The following LILRB1 variants were observed in gnomAD, a reference collection of about 807,000 sequenced individuals.
The protein encoded by LILRB1 is leukocyte immunoglobulin like receptor B1, also known as leukocyte immunoglobulin-like receptor subfamily B member 1.
A neutral mutation model predicts 74.6 loss-of-function variants in LILRB1; 59 were observed. The ratio of observed to expected loss-of-function variants is 0.79; its 90% CI spans 0.64 to 0.98. The LOEUF (loss-of-function observed/expected upper bound fraction) is 0.98. LILRB1 is among the 50% of genes least tolerant of loss of function. The pLI, the probability that LILRB1 is intolerant of heterozygous loss-of-function variation, is 0.00. For missense variants in LILRB1, 804 were observed against 822.6 expected (o/e 0.98, Z 0.28); for synonymous variants, 328 against 333.9 (o/e 0.98, Z 0.19).
In LILRB1 at chr19:54,631,284, C is replaced by A. The variant is rs1458408556; in HGVS notation, c.48C>A (p.Gly16=). Residue 16 remains glycine, a synonymous_variant, in exon 3 of 15, where the codon GGC becomes GGA. Coordinates refer to ENST00000324602, the MANE Select transcript of LILRB1 (RefSeq NM_001081637.3). ...TVLICLGLSL[G]PRTHVQAGHL... ...ACTCTCTTCCAGGGCTGAGTCTGGG[C>A]CCCCGGACCCACGTGCAGGCAGGTG... is the stretch of plus-strand genomic sequence containing the variant. The A allele has an allele frequency of 3.1e-6, 5 of 1,613,302 alleles. No homozygotes were observed. The highest frequency in any genetic ancestry group is 4.2e-6 in the Non-Finnish European group (5 of 1,179,896).
chr19:54,634,688 A>G lies in LILRB1; in HGVS notation c.1411A>G (p.Ile471Val), dbSNP rs1061683. The stretch of plus-strand genomic sequence containing the variant: ...TGTGATCGGCATCTTGGTGGCCGTC[A>G]TCCTACTGCTCCTCCTCCTCCTCCT... ...GVVIGILVAV[I>V]LLLLLLLLLF... is the part of the protein sequence containing the mutation. The change falls in exon 10 of 15, where the codon ATC becomes GTC. Residue 471 changes from isoleucine to valine, a missense_variant. Physicochemically the swap from Ile to Val is conservative, Grantham distance 29 (BLOSUM62 3). Coordinates refer to ENST00000324602, the MANE Select transcript of LILRB1 (RefSeq NM_001081637.3). 171,528 of 1,578,326 alleles carry G rather than the reference A, an allele frequency of 0.11. 11,141 individuals are homozygous for G. The highest frequency in any genetic ancestry group is 0.19 in the African/African-American group (14,072 of 73,860).
chr19:54,635,850 G>T, intron 13 of LILRB1: 1 of 691,276 alleles, frequency 1.4e-6, no homozygotes, highest in South Asian at 1.5e-5. Context: ...GGTTGTTAGA[G>T]CTCTCCCCAG....
At chr19:54,622,778 C>T (rs1032490974) in intron 1 of LILRB1, among the ~76,000 whole-genome samples, 1 of 152,134 alleles carries the variant, frequency 6.6e-6, no homozygotes, top group African/African-American at 2.4e-5. Flanking sequence ...TTCACTTCTC[C>T]CCATTCAATT....
upstream of LILRB1, among the ~76,000 whole-genome samples, chr19:54,626,722 T>C (rs568573175): frequency 6.6e-6 from 1 of 152,342 alleles, no homozygotes; most frequent in East Asian, 1.9e-4. Flanking sequence ...CTTTTTGATT[T>C]TTATTTCTCT....
intron 9 of LILRB1, 155 bp downstream of exon 9, chr19:54,634,176 C>G (rs147154418): frequency 0.045 from 67,732 of 1,503,788 alleles, 1,691 homozygotes; most frequent in Non-Finnish European, 0.05. Context: ...GAGAGGCCTG[C>G]GGGTGGGAAA....
rs760073992 is a variant in LILRB1, at chr19:54,632,106, C to T, written c.530C>T (p.Ser177Leu). The T allele has an allele frequency of 3.6e-5, 58 of 1,614,128 alleles. No homozygotes were observed. The highest frequency in any genetic ancestry group is 6.7e-5 in the Admixed American group (4 of 60,014). The stretch of plus-strand genomic sequence containing the variant: ...AACTCCCAGCCCCATGCCCGTGGGT[C>T]GTCCCGCGCCATCTTCTCCGTGGGC... ...CLNSQPHARG[S>L]SRAIFSVGPV... Residue 177 changes from serine to leucine, a missense_variant, in exon 5 of 15, where the codon TCG becomes TTG. Transcript: ENST00000324602.
upstream of LILRB1, among the ~76,000 whole-genome samples, chr19:54,628,857 G>C (rs973119644): frequency 6.6e-6 from 1 of 152,194 alleles, no homozygotes; most frequent in Non-Finnish European, 1.5e-5. Flanking sequence ...GGTGAAGGAA[G>C]GGCAGGAGGA....
At position 54,636,796 on chromosome 19, in the gene LILRB1, G is replaced by T. The variant is rs753349590; in HGVS notation, c.1877G>T (p.Arg626Leu). Residue 626 changes from arginine to leucine, a missense_variant, in exon 15 of 15, where the codon CGG (arginine) becomes CTG (leucine). Physicochemically the swap from Arg to Leu is moderately radical, Grantham distance 102. Transcript: ENST00000324602. The part of the protein sequence containing the change: ...YAQLHSLTLR[R>L]EATEPPPSQE... The stretch of plus-strand genomic sequence containing the variant: ...CAGCTGCACAGCTTGACCCTCAGAC[G>T]GGAGGCAACTGAGCCTCCTCCATCC... The T allele has an allele frequency of 6.2e-7, 1 of 1,612,380 alleles. No homozygotes were observed. The highest frequency in any genetic ancestry group is 8.5e-7 in the Non-Finnish European group (1 of 1,179,374).
chr19:54,635,328 G>A (rs1251743226), intron 12 of LILRB1, 32 bp downstream of exon 12: 6 of 1,611,894 alleles, frequency 3.7e-6, no homozygotes, highest in Non-Finnish European at 5.1e-6. Context: ...CCAGCCAGGA[G>A]GGAGATGGGG....
upstream of LILRB1, among the ~76,000 whole-genome samples, chr19:54,625,499 G>A (rs1338494652): frequency 6.6e-6 from 1 of 152,264 alleles, no homozygotes; most frequent in African/African-American, 2.4e-5. Flanking sequence ...TAGGCCAAGG[G>A]GGGTCAGGGG....
chr19:54,622,741 TC>T (rs1365166260), intron 1 of LILRB1, among the ~76,000 whole-genome samples: 3 of 152,218 alleles, frequency 2.0e-5, no homozygotes, highest in Non-Finnish European at 4.4e-5. Flanking sequence ...GACATCCTTA[TC>T]CTGTTCCATT....
rs773852850 is a variant in LILRB1, at chr19:54,631,070, C to T, written c.-4C>T. On this transcript the variant is annotated 5_prime_UTR_variant, in exon 2 of 15. The change creates a new upstream start codon in the 5' untranslated region. Coordinates refer to ENST00000324602, the MANE Select transcript of LILRB1 (RefSeq NM_001081637.3). ...CACAGAGCAGGGCAGTGGGAGGAGA[C>T]GCCATGACCCCCATCCTCACGGTCC... The T allele has an allele frequency of 2.5e-5, 41 of 1,614,042 alleles. No homozygotes were observed. In the East Asian group the frequency reaches 2.9e-4, roughly 11 times the overall value.
At chr19:54,635,808 C>T (rs1295953924) in intron 13 of LILRB1, 199 bp downstream of exon 13, 8 of 728,380 alleles carry the variant, frequency 1.1e-5, no homozygotes, top group Non-Finnish European at 2.0e-5. Context: ...CCCGGGTCCC[C>T]TTCCTGCTCC....
chr19:54,624,483 G>C (rs2146187807), intron 1 of LILRB1, among the ~76,000 whole-genome samples: 1 of 152,208 alleles, frequency 6.6e-6, no homozygotes, highest in Admixed American at 6.5e-5. Flanking sequence ...CTGAGCGGCT[G>C]TCTGTTGTCT....
At chr19:54,634,437 C>T in intron 9 of LILRB1, 2 of 1,521,550 alleles carry the variant, frequency 1.3e-6, no homozygotes, top group Non-Finnish European at 1.8e-6. Flanking sequence ...AGCTCTGCCG[C>T]TTCCTGGCTG....
intron 1 of LILRB1, among the ~76,000 whole-genome samples, chr19:54,619,846 G>A (rs1021849386): frequency 2.6e-5 from 4 of 151,708 alleles, no homozygotes; most frequent in African/African-American, 9.7e-5. Flanking sequence ...GCAGACACTA[G>A]CTAAGATGCC....
chr19:54,620,882 T>A (rs574517369), intron 1 of LILRB1, among the ~76,000 whole-genome samples: 195 of 152,310 alleles, frequency 1.3e-3, no homozygotes, highest in Non-Finnish European at 2.2e-3. Flanking sequence ...ATTTATTTTT[T>A]ATTTTTTGAG....
chr19:54,631,918 G>A lies in LILRB1; in HGVS notation c.359-17G>A. 1 of 1,610,914 alleles carries A rather than the reference G, an allele frequency of 6.2e-7. No individual in the cohort carries two copies. The highest frequency in any genetic ancestry group is 8.5e-7 in the Non-Finnish European group (1 of 1,177,658). ...TGGTCTGAGCCACATTTAACACGGT[G>A]CCTCCTTCTCTCCTAGGAGCCTACA... On this transcript the variant is annotated splice_polypyrimidine_tract_variant and intron_variant, in intron 4 of 14. Coordinates refer to ENST00000324602, the MANE Select transcript of LILRB1 (RefSeq NM_001081637.3).
intron 9 of LILRB1, chr19:54,634,320 G>A: frequency 6.5e-7 from 1 of 1,540,844 alleles, no homozygotes; most frequent in Non-Finnish European, 8.8e-7. Flanking sequence ...GCAGGGGAGG[G>A]GAGAAGAGTC....
Sources: allele counts gnomAD v4.1 joint callset (sites outside exome capture counted in the v4.1 genomes callset), GRCh38; gene constraint gnomAD v4.1.1; transcripts MANE v1.5; gene names NCBI Gene and HGNC (gene_info 2026-07-23, HGNC 2026-07-21).